The following MEGF10 variants were observed in gnomAD, a reference collection of about 807,000 sequenced individuals.
MEGF10 encodes multiple EGF like domains 10.
In MEGF10, 86 loss-of-function variants were observed where a neutral mutation model predicts 147.5. That is an observed-to-expected ratio of 0.58 (90% CI 0.49 to 0.70). MEGF10 has a LOEUF of 0.70. Ranked by LOEUF, MEGF10 falls within the 30% of genes least tolerant of loss-of-function variation. The pLI is 0.00. For missense variants in MEGF10, 1,329 were observed against 1,487.3 expected (o/e 0.89, Z 1.75); for synonymous variants, 478 against 525.5 (o/e 0.91, Z 1.24).
At chr5:127,262,301 AG>A in the MEGF10 span, among the ~76,000 whole-genome samples, 1 of 152,166 alleles carries the variant, frequency 6.6e-6, no homozygotes, top group East Asian at 1.9e-4. Context: ...GATGGAAGGA[AG>A]GGGTCCAACT....
At chr5:127,285,080 A>G in the MEGF10 span, among the ~76,000 whole-genome samples, 2,521 of 152,318 alleles carry the variant, frequency 0.017, 39 homozygotes, top group Non-Finnish European at 0.021. Flanking sequence ...CAGCAGTTGA[A>G]TGACTGTACT....
chr5:127,404,754 C>T (rs1457062467), intron 8 of MEGF10, among the ~76,000 whole-genome samples: 4 of 151,354 alleles, frequency 2.6e-5, no homozygotes, highest in Non-Finnish European at 5.9e-5. Context: ...CTTGTTTTGT[C>T]CCCCAGGCTG....
chr5:127,381,457 T>C (rs17684691), intron 5 of MEGF10, among the ~76,000 whole-genome samples: 3,164 of 152,278 alleles, frequency 0.021, 55 homozygotes, highest in South Asian at 0.076. Context: ...TACCAATGTG[T>C]TTGCTGGCTG....
intron 1 of MEGF10, among the ~76,000 whole-genome samples, chr5:127,317,687 G>A (rs1418352870): frequency 1.3e-5 from 2 of 152,132 alleles, no homozygotes; most frequent in African/African-American, 4.8e-5. Flanking sequence ...ACTCATAGGT[G>A]GGAATTGAAC....
In MEGF10 at chr5:127,354,358, C is replaced by T. The variant is rs754939764; in HGVS notation, c.319+13728C>T. 2.0e-4 allele frequency among the ~76,000 whole-genome samples: 30 copies of T among 152,116 alleles called. 2 individuals are homozygous for T. The highest frequency in any genetic ancestry group is 4.1e-4 in the African/African-American group (17 of 41,412). On this transcript the variant is annotated intron_variant, in intron 4 of 24. Coordinates refer to ENST00000503335, the MANE Select transcript of MEGF10 (RefSeq NM_001256545.2). ...CACAATAACTGTTTGCCATATAATA[C>T]GTTTTCCTTTATTTCTTCTTTTTAA...
intron 13 of MEGF10, among the ~76,000 whole-genome samples, chr5:127,425,990 CT>C (rs1451234657): frequency 1.3e-5 from 2 of 152,212 alleles, no homozygotes; most frequent in African/African-American, 4.8e-5. Flanking sequence ...GGCTCTTCCC[CT>C]GATCAAATCA....
Position 127,449,203 on chromosome 5 carries a change from C to A in MEGF10, c.2961C>A (p.Gly987=), listed in dbSNP as rs373066612. 21 of 1,612,870 alleles carry A rather than the reference C, an allele frequency of 1.3e-5. No homozygotes were observed. Among genetic ancestry groups the A allele is most frequent in the Non-Finnish European group, 1.7e-5 (20 of 1,179,414 alleles). The change falls in exon 22 of 25, where the codon GGC becomes GGA. Residue 987 remains glycine (G), a synonymous_variant. Transcript: ENST00000503335. ...CATTGCCGGCTGACTGGAAACATGG[C>A]GGCTACCTCAACGAGCTCGGTGAGT... ...TGTLPADWKH[G]GYLNELGAFG... is the part of the protein sequence containing the mutation.
At chr5:127,280,062 T>G in the MEGF10 span, among the ~76,000 whole-genome samples, 1 of 152,214 alleles carries the variant, frequency 6.6e-6, no homozygotes, top group Non-Finnish European at 1.5e-5. Flanking sequence ...TGTATTAAAA[T>G]AATATCCACT....
intron 1 of MEGF10, among the ~76,000 whole-genome samples, chr5:127,294,695 A>G (rs1759413542): frequency 6.6e-6 from 1 of 151,894 alleles, no homozygotes; most frequent in Non-Finnish European, 1.5e-5. Flanking sequence ...ACTACTTGGG[A>G]GGCTGAGGCA....
At chr5:127,397,381 C>G (rs914494858) in intron 6 of MEGF10, among the ~76,000 whole-genome samples, 1 of 152,126 alleles carries the variant, frequency 6.6e-6, no homozygotes, top group African/African-American at 2.4e-5. Context: ...TTAATTCTTT[C>G]TGAGGAACAT....
intron 1 of MEGF10, among the ~76,000 whole-genome samples, chr5:127,329,098 TATC>T (rs1178839441): frequency 6.6e-6 from 1 of 152,238 alleles, no homozygotes; most frequent in African/African-American, 2.4e-5. Context: ...TGTTTATTAT[TATC>T]ATCATCATTT....
At position 127,340,526 on chromosome 5, in the gene MEGF10, A is replaced by G. The variant is rs376122492; in HGVS notation, c.219-4A>G. 3.0e-5 allele frequency: 48 copies of G among 1,610,504 alleles called. No individual in the cohort carries two copies. In the Middle Eastern group the frequency reaches 5.0e-4, roughly 17 times the overall value. ...TTTAATAGCTAATTTTTCCTTCTCT[A>G]TAGAGTCAGCTATCGGACAGCCTAT... On this transcript the variant is annotated splice_region_variant and splice_polypyrimidine_tract_variant and intron_variant, in intron 3 of 24. Transcript: ENST00000503335.
At chr5:127,373,694 G>T (rs1206619948) in intron 5 of MEGF10, among the ~76,000 whole-genome samples, 1 of 152,092 alleles carries the variant, frequency 6.6e-6, no homozygotes, top group Non-Finnish European at 1.5e-5. Context: ...TTAATATAAA[G>T]AATATTAACT....
At chr5:127,288,218 A>AAC (rs1431218086), upstream of MEGF10, among the ~76,000 whole-genome samples, 5 of 151,978 alleles carry the variant, frequency 3.3e-5, no homozygotes, top group African/African-American at 4.8e-5. Context: ...CTAAAAGTAC[A>AAC]ACACACACAC....
the MEGF10 span, among the ~76,000 whole-genome samples, chr5:127,243,600 CA>C: frequency 6.6e-6 from 1 of 152,158 alleles, no homozygotes; most frequent in African/African-American, 2.4e-5. Context: ...ATCCTGATTA[CA>C]TCTGATGACT....
chr5:127,326,379 T>A (rs997629545), intron 1 of MEGF10, among the ~76,000 whole-genome samples: 2 of 152,200 alleles, frequency 1.3e-5, no homozygotes, highest in Non-Finnish European at 2.9e-5. Flanking sequence ...TTGTACTGTT[T>A]GAAATGAATA....
chr5:127,458,253 T>C lies in MEGF10; in HGVS notation c.*935T>C, dbSNP rs1209585644. ...GATGACGCTTACGTTCTGTAAACCA[T>C]TAGTAATACATGCTGTAATATAGAA... On this transcript the variant is annotated 3_prime_UTR_variant, in exon 25 of 25. Coordinates refer to ENST00000503335, the MANE Select transcript of MEGF10 (RefSeq NM_001256545.2). 1 of 152,242 alleles carries C rather than the reference T, an allele frequency of 6.6e-6. No individual in the cohort carries two copies. The highest frequency in any genetic ancestry group is 1.5e-5 in the Non-Finnish European group (1 of 68,040). 9.4% of individuals were successfully genotyped at this position (152,242 alleles called of 1,614,324 possible).
chr5:127,412,343 A>G (rs1225166535), intron 9 of MEGF10, among the ~76,000 whole-genome samples: 2 of 152,230 alleles, frequency 1.3e-5, no homozygotes, highest in Non-Finnish European at 2.9e-5. Context: ...TGAATTAATC[A>G]TTGGAGCCAT....
the MEGF10 span, among the ~76,000 whole-genome samples, chr5:127,237,901 C>T: frequency 6.6e-3 from 1,001 of 152,118 alleles, 12 homozygotes; most frequent in African/African-American, 0.023. Context: ...AATGTTAATG[C>T]TAGTCATCTA....
Sources: gnomAD v4.1 joint callset for allele counts (sites outside exome capture counted in the v4.1 genomes callset) on GRCh38, gnomAD v4.1.1 for gene constraint, MANE v1.5 for transcripts, NCBI Gene and HGNC (gene_info 2026-07-23, HGNC 2026-07-21) for gene names.